The following CDH1 variants were observed in gnomAD, a reference collection of about 807,000 sequenced individuals.
The protein encoded by CDH1 is cadherin-1.
In CDH1, 35 loss-of-function variants were observed where a neutral mutation model predicts 84.5. The observed-to-expected ratio is 0.41, with a 90% confidence interval of 0.32 to 0.55. The LOEUF (loss-of-function observed/expected upper bound fraction) is 0.55. Ranked by LOEUF, CDH1 falls within the 20% of genes least tolerant of loss-of-function variation. CDH1 has a pLI of 0.19. For synonymous variants in CDH1, 417 were observed against 439.0 expected, an observed-to-expected ratio of 0.95 and a Z score of 0.63; for missense variants, 994 against 1,126.6, an observed-to-expected ratio of 0.88 and a Z score of 1.68.
At chr16:68,757,925 A>G (rs1288798244) in intron 2 of CDH1, among the ~76,000 whole-genome samples, 11 of 149,442 alleles carry the variant, frequency 7.4e-5, no homozygotes, top group Admixed American at 6.0e-4. Flanking sequence ...CAGCCTCCCA[A>G]GTAGCTGGGA....
rs190478345 is a variant in CDH1 at position 68,833,663 on chromosome 16, C to T, written c.*164C>T. ...GCTTTATACTCTCTCCACTTTATAGCTCTAATAAGTTTGTGTTAGAAAAGT... is the reference window on the plus strand; with the variant it reads ...GCTTTATACTCTCTCCACTTTATAGTTCTAATAAGTTTGTGTTAGAAAAGT... On this transcript the variant is annotated 3_prime_UTR_variant, in exon 16 of 16. Transcript: ENST00000261769. The T allele has an allele frequency of 2.8e-5, 18 of 638,392 alleles. No homozygotes were observed. In the East Asian group the frequency reaches 4.6e-4, roughly 16 times the overall value. The allele number at this position is 638,392 out of a possible 1,614,324, so 39.5% of individuals were successfully genotyped here.
At position 68,737,378 on chromosome 16, in the gene CDH1, A is replaced by AC. The variant is rs753353319; in HGVS notation, c.-35dup. The AC allele has an allele frequency of 5.9e-6, 9 of 1,524,420 alleles. No individual in the cohort carries two copies. The South Asian group carries it at 1.1e-4, about 18-fold the overall frequency. The allele number at this position is 1,524,420 out of a possible 1,614,324, so 94.4% of individuals were successfully genotyped here. The stretch of plus-strand genomic sequence containing the variant: ...CTCCAGCCCGGCCCGACCCGACCGC[A>AC]CCCGGCGCCTGCCCTCGCTCGGCGT... On this transcript the variant is annotated 5_prime_UTR_variant, in exon 1 of 16. Coordinates refer to ENST00000261769, the MANE Select transcript of CDH1 (RefSeq NM_004360.5).
In CDH1 at chr16:68,833,377, G is replaced by A. The variant is rs768350776; in HGVS notation, c.2527G>A (p.Ala843Thr). ...CTATGAAGGAAGCGGTTCCGAAGCT[G>A]CTAGTCTGAGCTCCCTGAACTCCTC... The part of the protein sequence containing the change: ...FDYEGSGSEA[A>T]SLSSLNSSES... The change falls in exon 16 of 16, where the codon GCT (alanine) becomes ACT (threonine). Residue 843 changes from alanine to threonine, a missense_variant. Physicochemically the swap from Ala to Thr is moderately conservative, Grantham distance 58. Around this residue, in one of 3 missense-constraint regions of CDH1, gnomAD observed 769 missense variants for 881.8 expected, o/e 0.87. Transcript: ENST00000261769. The A allele has an allele frequency of 1.2e-6, 2 of 1,614,178 alleles. No homozygotes were observed. Among genetic ancestry groups the A allele is most frequent in the Non-Finnish European group, 1.7e-6 (2 of 1,180,020 alleles).
intron 14 of CDH1, among the ~76,000 whole-genome samples, chr16:68,829,272 T>C (rs1961412927): frequency 6.6e-6 from 1 of 152,210 alleles, no homozygotes; most frequent in Non-Finnish European, 1.5e-5. Context: ...CTGTGTCATA[T>C]GTTACTGTCC....
chr16:68,750,796 C>T (rs1394530133), intron 2 of CDH1, among the ~76,000 whole-genome samples: 10 of 151,800 alleles, frequency 6.6e-5, no homozygotes, highest in African/African-American at 2.4e-4. Context: ...CCTCGACCTC[C>T]CGGGCTCAAG....
Position 68,815,656 on chromosome 16 carries a change from C to T in CDH1, c.1462C>T (p.Pro488Ser), listed in dbSNP as rs1555516144. 1 of 1,614,188 alleles carries T rather than the reference C, an allele frequency of 6.2e-7. No homozygotes were observed. The highest frequency in any genetic ancestry group is 8.5e-7 in the Non-Finnish European group (1 of 1,180,044). ...LDVNEAPIFV[P>S]PEKRVEVSED... ...TGTGAATGAAGCCCCCATCTTTGTG[C>T]CTCCTGAAAAGAGAGTGGAAGTGTC... Residue 488 changes from proline to serine, a missense_variant, in exon 10 of 16, where the codon CCT becomes TCT. By Grantham distance (74) the Pro-to-Ser change is moderately conservative (BLOSUM62 -1). Transcript: ENST00000261769.
chr16:68,745,561 T>TGTATATATATATAG (rs1962708498), intron 2 of CDH1, among the ~76,000 whole-genome samples: 1 of 132,286 alleles, frequency 7.6e-6, no homozygotes, highest in African/African-American at 3.0e-5. Flanking sequence ...TATATATATA[T>TGTATATATATATAG]ATGTATATAT....
At position 68,813,468 on chromosome 16, in the gene CDH1, C is replaced by G. The variant is rs767350265; in HGVS notation, c.1293C>G (p.Asn431Lys). ...GQFVVTTNPV[N>K]NDGILKTAKG... is the part of the protein sequence containing the mutation. ...TTGTCGTCACCACAAATCCAGTGAA[C>G]AACGATGGCATTTTGAAAACAGCAA... Residue 431 changes from asparagine to lysine, a missense_variant, in exon 9 of 16, where the codon AAC (asparagine) becomes AAG (lysine). This residue lies in a region of CDH1 where 769 missense variants were observed against 881.8 expected (regional missense o/e 0.87). Transcript: ENST00000261769. 13 of 1,614,194 alleles carry G rather than the reference C, an allele frequency of 8.1e-6. No homozygotes were observed. The South Asian group carries it at 1.2e-4, about 15-fold the overall frequency.
At chr16:68,815,833 A>G (rs1414122202) in intron 10 of CDH1, 74 bp downstream of exon 10, 8 of 1,516,828 alleles carry the variant, frequency 5.3e-6, no homozygotes, top group African/African-American at 1.4e-5. Flanking sequence ...AATCAATAAT[A>G]TGTACTTCAT....
chr16:68,747,718 C>A (rs1962779258), intron 2 of CDH1, among the ~76,000 whole-genome samples: 1 of 151,310 alleles, frequency 6.6e-6, no homozygotes, highest in Admixed American at 6.6e-5. Flanking sequence ...CTGCTCTGTA[C>A]CTTGTTTTTC....
intron 2 of CDH1, among the ~76,000 whole-genome samples, chr16:68,745,790 A>G (rs13335476): frequency 0.81 from 121,834 of 151,304 alleles, 49,814 homozygotes; most frequent in Non-Finnish European, 0.88. Context: ...GCCAATCTCC[A>G]AGGGTGGAGA....
chr16:68,832,261 C>G (rs1211470109), intron 15 of CDH1, among the ~76,000 whole-genome samples: 1 of 152,014 alleles, frequency 6.6e-6, no homozygotes, highest in Non-Finnish European at 1.5e-5. Context: ...TATAACAAAC[C>G]TTCACATGTA....
intron 2 of CDH1, among the ~76,000 whole-genome samples, chr16:68,772,831 G>A (rs1442057421): frequency 2.0e-5 from 3 of 152,108 alleles, no homozygotes; most frequent in Non-Finnish European, 4.4e-5. Flanking sequence ...GAAGGCTGAG[G>A]TGGGAGGATC....
At chr16:68,763,577 G>A (rs1357457533) in intron 2 of CDH1, 1 of 152,172 alleles carries the variant, frequency 6.6e-6, no homozygotes, top group Non-Finnish European at 1.5e-5. Context: ...AGTCAACTGT[G>A]GGACCTGGAA....
chr16:68,755,362 T>A (rs1962992731), intron 2 of CDH1, among the ~76,000 whole-genome samples: 1 of 151,850 alleles, frequency 6.6e-6, no homozygotes, highest in Non-Finnish European at 1.5e-5. Context: ...TATATTCATG[T>A]CATTGAAAAA....
intron 13 of CDH1, chr16:68,826,587 T>C (rs4081758): frequency 0.27 from 40,393 of 151,946 alleles, 6,530 homozygotes; most frequent in African/African-American, 0.46. Context: ...CATAGCAAGA[T>C]CCCATCTCTA....
chr16:68,803,912 T>A (rs922035114), intron 3 of CDH1, among the ~76,000 whole-genome samples: 2 of 152,058 alleles, frequency 1.3e-5, no homozygotes, highest in Non-Finnish European at 2.9e-5. Context: ...AGAGCCCAGG[T>A]TCCCCCTTTC....
chr16:68,816,406 G>A (rs1960987649), intron 10 of CDH1, among the ~76,000 whole-genome samples: 1 of 152,214 alleles, frequency 6.6e-6, no homozygotes, highest in Non-Finnish European at 1.5e-5. Flanking sequence ...GCTGAGAACT[G>A]AGAACCCACA....
Position 68,813,319 on chromosome 16 carries a change from G to A in CDH1, c.1144G>A (p.Gly382Ser), listed in dbSNP as rs1597895701. 1.2e-6 allele frequency: 2 copies of A among 1,614,104 alleles called. No homozygotes were observed. The highest frequency in any genetic ancestry group is 1.7e-6 in the Non-Finnish European group (2 of 1,180,008). Residue 382 changes from glycine (G) to serine (S), a missense_variant, in exon 9 of 16, where the codon GGT (glycine) becomes AGT (serine). Transcript: ENST00000261769. Reference protein sequence around the residue: ...PPIFNPTTYKGQVPENEANVV... With the variant: ...PPIFNPTTYKSQVPENEANVV... Reference sequence around the variant, plus strand: ...ACATCTCTTTGCTCTGCAGTACAAGGGTCAGGTGCCTGAGAACGAGGCTAA... The same window carrying A: ...ACATCTCTTTGCTCTGCAGTACAAGAGTCAGGTGCCTGAGAACGAGGCTAA...
Sources: allele counts gnomAD v4.1 joint callset (sites outside exome capture counted in the v4.1 genomes callset), GRCh38; gene constraint gnomAD v4.1.1; regional missense constraint gnomAD v4.1.1; transcripts MANE v1.5; gene names NCBI Gene and HGNC (gene_info 2026-07-23, HGNC 2026-07-21).